CFAP53: variants seen among roughly 807,000 people sequenced by gnomAD.
CFAP53 encodes cilia- and flagella-associated protein 53.
A neutral mutation model predicts 59.7 loss-of-function variants in CFAP53; 62 were observed. The ratio of observed to expected loss-of-function variants is 1.04; its 90% CI spans 0.85 to 1.28. The LOEUF (loss-of-function observed/expected upper bound fraction) is 1.28. Among genes scored for constraint, CFAP53 ranks in the 50% most tolerant of loss-of-function variants. The probability of loss-of-function intolerance (pLI) is 0.00; values close to 1 mark genes in which losing one functional copy is unlikely to be tolerated. For synonymous variants in CFAP53, 218 were observed against 205.7 expected (o/e 1.06, Z -0.51); for missense variants, 629 against 615.6 (o/e 1.02, Z -0.23).
chr18:50,264,464 A>G (rs555841427), intron 1 of CFAP53, among the ~76,000 whole-genome samples: 1 of 152,344 alleles, frequency 6.6e-6, no homozygotes, highest in African/African-American at 2.4e-5. Flanking sequence ...AATGAGCAAA[A>G]TAAGTATCCT....
In CFAP53 at chr18:50,251,636, C is replaced by T. The variant is rs760970234; in HGVS notation, c.622G>A (p.Asp208Asn). The T allele has an allele frequency of 2.5e-6, 4 of 1,614,088 alleles. No homozygotes were observed. Among genetic ancestry groups the T allele is most frequent in the Non-Finnish European group, 3.4e-6 (4 of 1,180,050 alleles). ...EQMFSKLWEE[D>N]RLAKEKREAQ... ...TCTCGCTTTTCCTTGGCTAATCGGTCTTCCTCCCAGAGTTTGGAGAACATC... is the reference window on the plus strand; with the variant it reads ...TCTCGCTTTTCCTTGGCTAATCGGTTTTCCTCCCAGAGTTTGGAGAACATC... Residue 208 changes from aspartate to asparagine, a missense_variant, in exon 4 of 8, where the codon GAC (aspartate) becomes AAC (asparagine). Asp to Asn is a conservative substitution (Grantham distance 23). Transcript: ENST00000398545.
intron 5 of CFAP53, 37 bp from the exon 6 acceptor site, chr18:50,243,153 T>A (rs761935788): frequency 1.3e-5 from 20 of 1,498,630 alleles, no homozygotes; most frequent in Middle Eastern, 1.7e-4. Context: ...TAAAATTTTT[T>A]GGTGTGATAC....
At position 50,245,983 on chromosome 18, in the gene CFAP53, C is replaced by T. The variant is rs150667452; in HGVS notation, c.997-2867G>A. Among the ~76,000 whole-genome samples, 418 of 152,224 alleles carry T rather than the reference C, an allele frequency of 2.7e-3. 1 individual carries two copies. The highest frequency in any genetic ancestry group is 0.01 in the Middle Eastern group (3 of 294). On this transcript the variant is annotated intron_variant, in intron 5 of 7. Coordinates refer to ENST00000398545, the MANE Select transcript of CFAP53 (RefSeq NM_145020.5). ...TCAGCTCACTGCAACGTCCGCCTCC[C>T]GGATCAAGCGATTCTCCTGCCTCAG...
intron 1 of CFAP53, among the ~76,000 whole-genome samples, chr18:50,266,119 C>CT (rs2033965849): frequency 6.6e-6 from 1 of 152,170 alleles, no homozygotes; most frequent in African/African-American, 2.4e-5. Context: ...AGATGAAAGG[C>CT]TGTAAGGATG....
intron 6 of CFAP53, among the ~76,000 whole-genome samples, chr18:50,242,041 T>A (rs1228174582): frequency 6.6e-6 from 1 of 152,156 alleles, no homozygotes; most frequent in East Asian, 1.9e-4. Flanking sequence ...ACAGGGCTAT[T>A]CCTTGCTGGG....
At chr18:50,265,226 C>CA (rs146700914) in intron 1 of CFAP53, among the ~76,000 whole-genome samples, 110 of 152,220 alleles carry the variant, frequency 7.2e-4, no homozygotes, top group Non-Finnish European at 1.3e-3. Context: ...TTTGAGCACC[C>CA]ACATGATGAC....
intron 7 of CFAP53, among the ~76,000 whole-genome samples, chr18:50,236,809 C>T (rs1423326646): frequency 6.6e-6 from 1 of 152,172 alleles, no homozygotes; most frequent in African/African-American, 2.4e-5. Flanking sequence ...CCTAGGTGAG[C>T]CGTGTTGACC....
chr18:50,243,127 TA>T lies in CFAP53; in HGVS notation c.997-12del, dbSNP rs780180701. 40 of 1,591,508 alleles carry T rather than the reference TA, an allele frequency of 2.5e-5. No individual in the cohort carries two copies. Among genetic ancestry groups the T allele is most frequent in the Non-Finnish European group, 3.4e-5 (39 of 1,163,532 alleles). ...TCTTATCATATCTTCCTATGTAACA[TA>T]AAAATTCATATTGTTAAAATTTTTT... On this transcript the variant is annotated splice_polypyrimidine_tract_variant and intron_variant, in intron 5 of 7. Transcript: ENST00000398545.
chr18:50,235,652 T>C (rs1321204536), intron 7 of CFAP53, among the ~76,000 whole-genome samples: 1 of 152,208 alleles, frequency 6.6e-6, no homozygotes, highest in Non-Finnish European at 1.5e-5. Flanking sequence ...ATTTCTAGAA[T>C]ACAACAATTT....
intron 3 of CFAP53, 49 bp downstream of exon 3, chr18:50,261,015 T>C: frequency 1.3e-6 from 2 of 1,558,362 alleles, no homozygotes; most frequent in Non-Finnish European, 1.7e-6. Flanking sequence ...TAAATCTATT[T>C]TAATGTACCA....
At chr18:50,232,504 G>A (rs530625350) in intron 7 of CFAP53, among the ~76,000 whole-genome samples, 24 of 152,234 alleles carry the variant, frequency 1.6e-4, no homozygotes, top group Middle Eastern at 3.4e-3. Flanking sequence ...AGTGCAAAAC[G>A]CCAGGTTACT....
Position 50,238,706 on chromosome 18 carries a change from C to T in CFAP53, c.1214-1G>A, listed in dbSNP as rs1568151959. 1 of 1,605,332 alleles carries T rather than the reference C, an allele frequency of 6.2e-7. No individual in the cohort carries two copies. On this transcript the variant is annotated splice_acceptor_variant, in intron 6 of 7. Transcript: ENST00000398545. LOFTEE classifies it high-confidence loss of function. ...TCCTGTTCTTTAGCTTCTCGTTGCA[C>T]TAAGAAAAGCAAAAGTAATTATATG...
At chr18:50,262,277 C>T (rs2033901406) in intron 1 of CFAP53, 58 bp from the exon 2 acceptor site, 2 of 1,411,038 alleles carry the variant, frequency 1.4e-6, no homozygotes, top group African/African-American at 2.8e-5. Context: ...TGCATATTTT[C>T]AATTAGTTAT....
At chr18:50,254,505 G>A (rs2033829903) in intron 3 of CFAP53, among the ~76,000 whole-genome samples, 1 of 152,146 alleles carries the variant, frequency 6.6e-6, no homozygotes, top group Admixed American at 6.5e-5. Context: ...CCAGGATGTG[G>A]AAAAACTGGA....
At chr18:50,262,795 T>C (rs975114171) in intron 1 of CFAP53, among the ~76,000 whole-genome samples, 4 of 152,040 alleles carry the variant, frequency 2.6e-5, no homozygotes, top group African/African-American at 9.7e-5. Flanking sequence ...GTTGTGATAA[T>C]GAAAGATCTT....
intron 2 of CFAP53, 124 bp from the exon 3 acceptor site, chr18:50,261,361 C>G: frequency 9.4e-7 from 1 of 1,069,116 alleles, no homozygotes; most frequent in Non-Finnish European, 1.3e-6. Context: ...CAGTCTTCCA[C>G]AGAATAAGAC....
In CFAP53 at chr18:50,262,205, A is replaced by C; in HGVS notation, c.84T>G (p.Pro28=). ...GATGGTGCTCAGCTCCTTGGCCTTTAGGAGGCTTGGATCTCTGAAAACAAA... is the reference window on the plus strand; with the variant it reads ...GATGGTGCTCAGCTCCTTGGCCTTTCGGAGGCTTGGATCTCTGAAAACAAA... ...PKVVIVRSKP[P]KGQGAEHHLE... The change falls in exon 2 of 8, where the codon CCT becomes CCG. Residue 28 remains proline, a synonymous_variant. Coordinates refer to ENST00000398545, the MANE Select transcript of CFAP53 (RefSeq NM_145020.5). 6.2e-7 allele frequency: 1 copy of C among 1,613,774 alleles called. No individual in the cohort carries two copies. Among genetic ancestry groups the C allele is most frequent in the Non-Finnish European group, 8.5e-7 (1 of 1,179,650 alleles).
chr18:50,252,525 T>A (rs1183131486), intron 3 of CFAP53, among the ~76,000 whole-genome samples: 1 of 152,108 alleles, frequency 6.6e-6, no homozygotes, highest in Non-Finnish European at 1.5e-5. Context: ...CACCTTAGCC[T>A]CCCAAGTAGC....
In CFAP53 at chr18:50,230,959, A is replaced by C. The variant is rs116502944; in HGVS notation, c.1317-3350T>G. 4.0e-3 allele frequency among the ~76,000 whole-genome samples: 602 copies of C among 152,316 alleles called. 3 individuals carry two copies. Among genetic ancestry groups the C allele is most frequent in the African/African-American group, 0.014 (569 of 41,576 alleles). On this transcript the variant is annotated intron_variant, in intron 7 of 7. Transcript: ENST00000398545. ...ATGTGTATCCTATTTAGGGAAAAGG[A>C]ATCAGGCTGGCGGAACCAGGATAAA...
Sources: gnomAD v4.1 joint callset for allele counts (sites outside exome capture counted in the v4.1 genomes callset) on GRCh38, gnomAD v4.1.1 for gene constraint, MANE v1.5 for transcripts, NCBI Gene and HGNC (gene_info 2026-07-23, HGNC 2026-07-21) for gene names.